Variants in SIM1 observed in about 807,000 individuals in gnomAD.
SIM1 encodes the protein single-minded homolog 1.
Under a neutral mutation model 78.2 loss-of-function variants are expected in SIM1, and 18 were observed. The ratio of observed to expected loss-of-function variants is 0.23; its 90% CI spans 0.16 to 0.34. The LOEUF is 0.34. SIM1 is among the 10% of genes least tolerant of loss of function. The pLI is 1.00. For missense variants in SIM1, 939 were observed against 975.1 expected, an observed-to-expected ratio of 0.96 and a Z score of 0.49; for synonymous variants, 417 against 385.2, an observed-to-expected ratio of 1.08 and a Z score of -0.97.
Position 100,389,464 on chromosome 6 carries a change from G to A in SIM1, c.*897C>T. ...TGAATTGGTTTGAATTTTTTATTTA[G>A]TTGGTTTTACAAGCAAACCCCAAAT... On this transcript the variant is annotated 3_prime_UTR_variant, in exon 12 of 12. Coordinates refer to ENST00000369208, the MANE Select transcript of SIM1 (RefSeq NM_005068.3). The A allele has an allele frequency of 5.0e-6, 2 of 396,158 alleles. No homozygotes were observed. The highest frequency in any genetic ancestry group is 8.9e-6 in the Non-Finnish European group (2 of 224,884). The allele number at this position is 396,158 out of a possible 1,614,324, so 24.5% of individuals were successfully genotyped here.
chr6:100,412,571 G>GAAAGAAAGAA (rs1771226390), intron 10 of SIM1, among the ~76,000 whole-genome samples: 1 of 78,434 alleles, frequency 1.3e-5, no homozygotes, highest in Non-Finnish European at 2.6e-5. Context: ...AAGAAAGAAA[G>GAAAGAAAGAA]AAAGAAAGAA....
chr6:100,457,412 C>G (rs1484529063), intron 2 of SIM1, among the ~76,000 whole-genome samples: 1 of 152,164 alleles, frequency 6.6e-6, no homozygotes, highest in Non-Finnish European at 1.5e-5. Context: ...TAGGCCGAGG[C>G]CACTGCGGTT....
chr6:100,440,862 C>G (rs1023954621), intron 9 of SIM1, among the ~76,000 whole-genome samples: 3 of 152,050 alleles, frequency 2.0e-5, no homozygotes, highest in Non-Finnish European at 4.4e-5. Context: ...CCACCCCCCA[C>G]CACACACACA....
At chr6:100,420,732 T>G in intron 10 of SIM1, 58 bp downstream of exon 10, 1 of 1,513,912 alleles carries the variant, frequency 6.6e-7, no homozygotes, top group Non-Finnish European at 9.2e-7. Context: ...CTTTCTCAAC[T>G]TCAAGTTCAA....
At chr6:100,443,451 A>G (rs1007972827) in intron 9 of SIM1, among the ~76,000 whole-genome samples, 1 of 152,130 alleles carries the variant, frequency 6.6e-6, no homozygotes, top group African/African-American at 2.4e-5. Flanking sequence ...TTCCAGACAT[A>G]ATATCAGAAT....
rs1772581759 is a variant in SIM1 at position 100,453,947 on chromosome 6, C to T, written c.176-103G>A. 3 of 747,238 alleles carry T rather than the reference C, an allele frequency of 4.0e-6. No individual in the cohort carries two copies. The African/African-American group carries it at 5.4e-5, about 13-fold the overall frequency. The allele number at this position is 747,238 out of a possible 1,614,324, so 46.3% of individuals were successfully genotyped here. A position where few individuals can be genotyped will look rare whatever the true frequency, so the allele number is the denominator to read the frequency against. ...ATTACCCGAGTGCCGGCCCCTTTGA[C>T]TGGATACCATAGGGGATCCCTCTCA... On this transcript the variant is annotated intron_variant, in intron 2 of 11. Coordinates refer to ENST00000369208, the MANE Select transcript of SIM1 (RefSeq NM_005068.3).
intron 10 of SIM1, among the ~76,000 whole-genome samples, chr6:100,403,813 C>T (rs534626031): frequency 2.6e-5 from 4 of 152,244 alleles, no homozygotes; most frequent in South Asian, 2.1e-4. Context: ...ATGCAGATTC[C>T]GTACACACTG....
At chr6:100,447,167 C>T (rs780370128) in intron 9 of SIM1, 101 bp downstream of exon 9, 166 of 1,375,050 alleles carry the variant, frequency 1.2e-4, no homozygotes, top group Non-Finnish European at 1.5e-4. Context: ...TGGCATTCCC[C>T]GTGGCCCGAG....
In SIM1 at chr6:100,463,361, C is replaced by T. The variant is rs751356475; in HGVS notation, c.108G>A (p.Gln36=). Residue 36 remains glutamine (Q), a synonymous_variant, in exon 2 of 12, where the codon CAG becomes CAA. Coordinates refer to ENST00000369208, the MANE Select transcript of SIM1 (RefSeq NM_005068.3). ...GTCTGATTATGGATGCTTTGTCCAG[C>T]TGCGAGGTGATAGCCGAGGGCAAAG... The part of the protein sequence containing the change: ...LLPLPSAITS[Q]LDKASIIRLT... 2.5e-6 allele frequency: 4 copies of T among 1,613,978 alleles called. No individual in the cohort carries two copies. The highest frequency in any genetic ancestry group is 3.4e-6 in the Non-Finnish European group (4 of 1,179,990).
At chr6:100,461,499 A>G (rs1367077088) in intron 2 of SIM1, among the ~76,000 whole-genome samples, 1 of 152,176 alleles carries the variant, frequency 6.6e-6, no homozygotes. Context: ...AAGCAACACC[A>G]TATGCTGCTT....
In SIM1 at chr6:100,386,737, A is replaced by G. The variant is rs774777619; in HGVS notation, c.*3624T>C. 2.8e-4 allele frequency: 43 copies of G among 152,068 alleles called. 1 individual carries two copies. Among genetic ancestry groups the G allele is most frequent in the Admixed American group, 3.9e-4 (6 of 15,262 alleles). The allele number at this position is 152,068 out of a possible 1,614,324, so 9.4% of individuals were successfully genotyped here. A position where few individuals can be genotyped will look rare whatever the true frequency, so the allele number is the denominator to read the frequency against. On this transcript the variant is annotated 3_prime_UTR_variant, in exon 12 of 12. Transcript: ENST00000369208. The stretch of plus-strand genomic sequence containing the variant: ...GAAACAATCTAGCCCTATGAAATAT[A>G]ACCAAGAAAGAGCAAGTGGTTTTTC...
chr6:100,423,117 T>C (rs1771638682), intron 9 of SIM1, among the ~76,000 whole-genome samples: 1 of 152,184 alleles, frequency 6.6e-6, no homozygotes, highest in African/African-American at 2.4e-5. Flanking sequence ...TCTAATCAAC[T>C]CCAAGGACCA....
intron 9 of SIM1, among the ~76,000 whole-genome samples, chr6:100,439,457 C>G (rs1772148751): frequency 6.6e-6 from 1 of 152,166 alleles, no homozygotes; most frequent in Non-Finnish European, 1.5e-5. Context: ...ATCTGAACTT[C>G]TCAAAGATTT....
chr6:100,424,504 C>T (rs921283405), intron 9 of SIM1, among the ~76,000 whole-genome samples: 1 of 152,080 alleles, frequency 6.6e-6, no homozygotes, highest in Non-Finnish European at 1.5e-5. Context: ...GGTGCAATCT[C>T]GGCTCACTGC....
chr6:100,447,431 G>C lies in SIM1; in HGVS notation c.851-16C>G, dbSNP rs375358199. On this transcript the variant is annotated splice_polypyrimidine_tract_variant and intron_variant, in intron 8 of 11. Coordinates refer to ENST00000369208, the MANE Select transcript of SIM1 (RefSeq NM_005068.3). ...TTCACCAGCACTGACGGAGAGACAGGAGGCAGATGGTGGTGAACCAGCCTG... is the reference window on the plus strand; with the variant it reads ...TTCACCAGCACTGACGGAGAGACAGCAGGCAGATGGTGGTGAACCAGCCTG... The C allele has an allele frequency of 5.6e-6, 9 of 1,614,006 alleles. No homozygotes were observed. In the African/African-American group the frequency reaches 1.2e-4, roughly 22 times the overall value.
At chr6:100,451,334 G>T (rs934981066) in intron 3 of SIM1, among the ~76,000 whole-genome samples, 10 of 152,194 alleles carry the variant, frequency 6.6e-5, no homozygotes, top group African/African-American at 2.4e-4. Context: ...GGCCAAGTCT[G>T]CTGGGTCTGG....
intron 10 of SIM1, among the ~76,000 whole-genome samples, chr6:100,397,610 C>G (rs1266906583): frequency 6.6e-6 from 1 of 151,678 alleles, no homozygotes; most frequent in Non-Finnish European, 1.5e-5. Context: ...AGATCTAGGA[C>G]TAGGTAAGGA....
At chr6:100,420,763 A>C in intron 10 of SIM1, 27 bp downstream of exon 10, 3 of 1,612,000 alleles carry the variant, frequency 1.9e-6, no homozygotes, top group Non-Finnish European at 2.5e-6. Context: ...CAAAAAAAAG[A>C]AAGTTGCAAA....
rs1772953595 is a variant in SIM1, at chr6:100,464,877, C to T, written c.-731G>A. Reference sequence around the variant, plus strand: ...CTACGAAGCCAGTTCACTATTATTCCTAATTGGAAGCCGAAAACTGCCCCC... The same window carrying T: ...CTACGAAGCCAGTTCACTATTATTCTTAATTGGAAGCCGAAAACTGCCCCC... On this transcript the variant is annotated 5_prime_UTR_variant, in exon 1 of 12. Coordinates refer to ENST00000369208, the MANE Select transcript of SIM1 (RefSeq NM_005068.3). 6.6e-6 allele frequency: 1 copy of T among 152,262 alleles called. No individual in the cohort carries two copies. Among genetic ancestry groups the T allele is most frequent in the South Asian group, 2.1e-4 (1 of 4,832 alleles). The allele number at this position is 152,262 out of a possible 1,614,324, so 9.4% of individuals were successfully genotyped here.
Sources: allele counts gnomAD v4.1 joint callset (sites outside exome capture counted in the v4.1 genomes callset), GRCh38; gene constraint gnomAD v4.1.1; transcripts MANE v1.5; gene names NCBI Gene and HGNC (gene_info 2026-07-23, HGNC 2026-07-21).